ARL15: variants seen among roughly 807,000 people sequenced by gnomAD.
ARL15 encodes the protein ADP-ribosylation factor-like protein 15.
In ARL15, 19 loss-of-function variants were observed where a neutral mutation model predicts 25.2. That is an observed-to-expected ratio of 0.75 (90% CI 0.53 to 1.10). The LOEUF is 1.10. Ranked by LOEUF, ARL15 falls within the 50% of genes least tolerant of loss-of-function variation. The probability of loss-of-function intolerance (pLI) is 0.00; values close to 1 mark genes in which losing one functional copy is unlikely to be tolerated. For missense variants in ARL15, 220 were observed against 246.0 expected (o/e 0.89, Z 0.71); for synonymous variants, 94 against 86.8 (o/e 1.08, Z -0.46).
intron 1 of ARL15, among the ~76,000 whole-genome samples, chr5:54,231,198 T>C (rs140897886): frequency 1.3e-3 from 196 of 152,316 alleles, no homozygotes; most frequent in African/African-American, 4.5e-3. Flanking sequence ...TCTGCTGTTC[T>C]CTAGTTCAGT....
chr5:54,272,107 C>CTT (rs34592464), intron 1 of ARL15, among the ~76,000 whole-genome samples: 10,086 of 36,748 alleles, frequency 0.27, 3,767 homozygotes, highest in Non-Finnish European at 0.43. Flanking sequence ...CCACTCCTGG[C>CTT]TTTTTTTTTT....
intron 1 of ARL15, among the ~76,000 whole-genome samples, chr5:54,240,966 A>G (rs1756943012): frequency 1.3e-5 from 2 of 152,202 alleles, no homozygotes; most frequent in Non-Finnish European, 1.5e-5. Flanking sequence ...AAAGTACTCA[A>G]TTGGTACTAG....
chr5:54,234,886 T>C (rs1313874004), intron 1 of ARL15, among the ~76,000 whole-genome samples: 3 of 152,212 alleles, frequency 2.0e-5, no homozygotes, highest in Admixed American at 6.5e-5. Flanking sequence ...TTTTTGATAA[T>C]ATGTTTTTAA....
chr5:54,056,126 G>A (rs537994761), intron 4 of ARL15, among the ~76,000 whole-genome samples: 2 of 152,238 alleles, frequency 1.3e-5, no homozygotes, highest in South Asian at 2.1e-4. Context: ...GTTCACATAC[G>A]AGTTCTGCTT....
intron 1 of ARL15, among the ~76,000 whole-genome samples, chr5:54,220,865 G>A (rs983009933): frequency 1.7e-4 from 26 of 151,990 alleles, no homozygotes; most frequent in African/African-American, 6.0e-4. Flanking sequence ...CCGCAGTGCC[G>A]ACTCTCGTCC....
chr5:54,239,721 G>A (rs146814204), intron 1 of ARL15, among the ~76,000 whole-genome samples: 1 of 152,210 alleles, frequency 6.6e-6, no homozygotes, highest in Non-Finnish European at 1.5e-5. Context: ...TGAAACGTGG[G>A]AGTGATGGCT....
chr5:54,302,683 ATTTTTTTTTTT>A (rs372704359), intron 1 of ARL15, among the ~76,000 whole-genome samples: 22 of 77,860 alleles, frequency 2.8e-4, no homozygotes, highest in South Asian at 7.1e-4. Flanking sequence ...TAAAATTAAG[ATTTTTTTTTTT>A]TTTTTTTTTT....
chr5:54,205,346 G>A (rs924666062), intron 1 of ARL15, among the ~76,000 whole-genome samples: 3 of 152,158 alleles, frequency 2.0e-5, no homozygotes, highest in Non-Finnish European at 2.9e-5. Context: ...ATTTGAACAC[G>A]AGTCTAATCT....
At chr5:54,110,061 A>G (rs1056045890) in intron 4 of ARL15, among the ~76,000 whole-genome samples, 3 of 152,026 alleles carry the variant, frequency 2.0e-5, no homozygotes, top group South Asian at 2.1e-4. Context: ...AAAAATATGT[A>G]ATGTACAAGA....
chr5:54,170,371 T>C (rs13160282), intron 2 of ARL15, among the ~76,000 whole-genome samples: 32,512 of 152,108 alleles, frequency 0.21, 3,580 homozygotes, highest in Middle Eastern at 0.27. Context: ...AGCTTGATTC[T>C]TCTCAAATGG....
At chr5:54,035,333 G>A (rs898263110) in intron 4 of ARL15, among the ~76,000 whole-genome samples, 1 of 152,036 alleles carries the variant, frequency 6.6e-6, no homozygotes, top group Non-Finnish European at 1.5e-5. Flanking sequence ...TCTCATACAG[G>A]ATTAATGAAT....
chr5:54,009,489 G>A (rs1324844728), intron 4 of ARL15, among the ~76,000 whole-genome samples: 1 of 152,078 alleles, frequency 6.6e-6, no homozygotes, highest in African/African-American at 2.4e-5. Context: ...CTTAGGCTTT[G>A]TATTACATTT....
intron 4 of ARL15, among the ~76,000 whole-genome samples, chr5:54,071,545 C>G (rs1751424248): frequency 7.0e-6 from 1 of 142,194 alleles, no homozygotes; most frequent in Non-Finnish European, 1.5e-5. Flanking sequence ...GACCCAACCT[C>G]TGCATTCAAG....
chr5:54,272,791 T>A (rs538635422), intron 1 of ARL15, among the ~76,000 whole-genome samples: 13 of 152,338 alleles, frequency 8.5e-5, no homozygotes, highest in African/African-American at 3.1e-4. Flanking sequence ...CTATATGAAG[T>A]TAATATAGAA....
chr5:54,025,623 GA>G (rs1708384675), intron 4 of ARL15, among the ~76,000 whole-genome samples: 1 of 151,870 alleles, frequency 6.6e-6, no homozygotes, highest in Non-Finnish European at 1.5e-5. Flanking sequence ...AGTTTAGTGG[GA>G]AAGATCCTAT....
At chr5:53,910,636 TATATATATATATATATATATATATATA>T (rs1745425089) in intron 4 of ARL15, among the ~76,000 whole-genome samples, 4 of 109,268 alleles carry the variant, frequency 3.7e-5, no homozygotes, top group African/African-American at 1.1e-4. Context: ...AAAAAAATTA[TATATATATATATATATATATATATATA>T]TATATATATA....
chr5:54,092,018 C>T (rs566573710), intron 4 of ARL15, among the ~76,000 whole-genome samples: 1 of 148,570 alleles, frequency 6.7e-6, no homozygotes, highest in Non-Finnish European at 1.5e-5. Flanking sequence ...TAGCTACTTA[C>T]ATGTGGTTAA....
chr5:53,929,947 T>C (rs1480917787), intron 4 of ARL15, among the ~76,000 whole-genome samples: 1 of 152,210 alleles, frequency 6.6e-6, no homozygotes, highest in Non-Finnish European at 1.5e-5. Flanking sequence ...TATGCTCTGT[T>C]CTTAGGAGGG....
intron 1 of ARL15, among the ~76,000 whole-genome samples, chr5:54,289,348 A>G (rs1382160386): frequency 6.6e-6 from 1 of 151,244 alleles, no homozygotes; most frequent in East Asian, 1.9e-4. Flanking sequence ...TTAGATGGTG[A>G]CAAGTCCTAT....
Sources: gnomAD v4.1 joint callset for allele counts (sites outside exome capture counted in the v4.1 genomes callset) on GRCh38, gnomAD v4.1.1 for gene constraint, MANE v1.5 for transcripts, NCBI Gene and HGNC (gene_info 2026-07-23, HGNC 2026-07-21) for gene names.